LRIT1: variants seen among roughly 807,000 people sequenced by gnomAD.
The protein encoded by LRIT1 is leucine rich repeat, Ig-like and transmembrane domains 1, also known as leucine-rich repeat, immunoglobulin-like domain and transmembrane domain-containing protein 1.
A neutral mutation model predicts 24.0 loss-of-function variants in LRIT1; 23 were observed. That is an observed-to-expected ratio of 0.96 (90% CI 0.69 to 1.36). LRIT1 has a LOEUF of 1.36. LRIT1 is among the 40% of genes most tolerant of loss of function. LRIT1 has a pLI of 0.00. For synonymous variants in LRIT1, 361 were observed against 340.5 expected (o/e 1.06, Z -0.66); for missense variants, 846 against 806.3 (o/e 1.05, Z -0.60).
rs72841103 is a variant in LRIT1 at position 84,238,870 on chromosome 10, T to C, written c.123-1184A>G. ...TAGAGAGATAATAGGAGGCAGTCCC[T>C]GCCCTCAAGAAGCCTACATTTCAGG... On this transcript the variant is annotated intron_variant, in intron 1 of 3. Transcript: ENST00000372105. Among the ~76,000 whole-genome samples, 947 of 152,370 alleles carry C rather than the reference T, an allele frequency of 6.2e-3. 3 individuals carry two copies. The highest frequency in any genetic ancestry group is 0.01 in the Non-Finnish European group (688 of 68,032).
chr10:84,232,353 T>G lies in LRIT1; in HGVS notation c.1446A>C (p.Arg482Ser). ...TGGGCAACAGCCCAGTGATGGTCAC[T>G]CTGGTCTTCCCAGGCTGCACAATCA... ...RRVIVQPGKTRVTITGLLPKT... is the reference protein window; with the variant it reads ...RRVIVQPGKTSVTITGLLPKT... Residue 482 changes from arginine to serine, a missense_variant, in exon 4 of 4, where the codon AGA (arginine) becomes AGC (serine). By Grantham distance (110) the Arg-to-Ser change is moderately radical (BLOSUM62 -1). Transcript: ENST00000372105. 1.9e-6 allele frequency: 3 copies of G among 1,613,930 alleles called. No individual in the cohort carries two copies. In the South Asian group the frequency reaches 3.3e-5, roughly 18 times the overall value.
chr10:84,233,981 C>T, intron 3 of LRIT1, 92 bp downstream of exon 3: 1 of 1,269,800 alleles, frequency 7.9e-7, no homozygotes, highest in Non-Finnish European at 1.0e-6. Context: ...GCTTAGACAA[C>T]TTCCCTCTGG....
rs574282367 is a variant in LRIT1 at position 84,241,498 on chromosome 10, C to T, written c.-59G>A. The T allele has an allele frequency of 9.7e-5, 99 of 1,017,676 alleles. No individual in the cohort carries two copies. In the East Asian group the frequency reaches 1.0e-3, roughly 10 times the overall value. 63.0% of individuals were successfully genotyped at this position (1,017,676 alleles called of 1,614,324 possible). On this transcript the variant is annotated 5_prime_UTR_variant, in exon 1 of 4. Coordinates refer to ENST00000372105, the MANE Select transcript of LRIT1 (RefSeq NM_015613.3). ...CTGTCCCTGGACCGCTCCGTCCCAC[C>T]GGCCCAGCAAGCTCAGCAGCTGCCC...
Position 84,232,250 on chromosome 10 carries a change from C to T in LRIT1, c.1549G>A (p.Glu517Lys). 2 of 1,614,136 alleles carry T rather than the reference C, an allele frequency of 1.2e-6. No homozygotes were observed. The highest frequency in any genetic ancestry group is 8.5e-7 in the Non-Finnish European group (1 of 1,179,970). ...TGAGTGTTCTCAGCATCCACCACTT[C>T]ATTGGTGGAGAAAATAACACACTGC... Reference protein sequence around the residue: ...KEQCVIFSTNEVVDAENTQQL... With the variant: ...KEQCVIFSTNKVVDAENTQQL... The change falls in exon 4 of 4, where the codon GAA becomes AAA. Residue 517 changes from glutamate (E) to lysine (K), a missense_variant. Physicochemically the swap from Glu to Lys is moderately conservative, Grantham distance 56. Coordinates refer to ENST00000372105, the MANE Select transcript of LRIT1 (RefSeq NM_015613.3).
In LRIT1 at chr10:84,241,485, C is replaced by A. The variant is rs201128603; in HGVS notation, c.-46G>T. ...CCCAGGCAGGGGCCTGTCCCTGGAC[C>A]GCTCCGTCCCACCGGCCCAGCAAGC... On this transcript the variant is annotated 5_prime_UTR_variant, in exon 1 of 4. Transcript: ENST00000372105. 7.0e-7 allele frequency: 1 copy of A among 1,437,618 alleles called. No individual in the cohort carries two copies. The highest frequency in any genetic ancestry group is 9.1e-7 in the Non-Finnish European group (1 of 1,101,814). The allele number at this position is 1,437,618 out of a possible 1,614,324, so 89.1% of individuals were successfully genotyped here. A position where few individuals can be genotyped will look rare whatever the true frequency, so the allele number is the denominator to read the frequency against.
Position 84,237,370 on chromosome 10 carries a change from G to T in LRIT1, c.439C>A (p.Pro147Thr). The T allele has an allele frequency of 6.5e-7, 1 of 1,549,660 alleles. No homozygotes were observed. The highest frequency in any genetic ancestry group is 2.4e-5 in the East Asian group (1 of 40,894). The change falls in exon 2 of 4, where the codon CCC becomes ACC. Residue 147 changes from proline to threonine, a missense_variant. Transcript: ENST00000372105. ...TCCAGGAAGCGCGCGGCCTCAGCGG[G>T]CACAGCCGAGAGGCGGTTGGCCTGC... ...DLQANRLSAV[P>T]AEAARFLENL...
At position 84,232,632 on chromosome 10, in the gene LRIT1, G is replaced by C; in HGVS notation, c.1167C>G (p.Pro389=). The change falls in exon 4 of 4, where the codon CCC becomes CCG. Residue 389 remains proline (P), a synonymous_variant. Coordinates refer to ENST00000372105, the MANE Select transcript of LRIT1 (RefSeq NM_015613.3). Reference sequence around the variant, plus strand: ...CAGAGGGTCCAGTGGCCAGGACAGCGGGTTTGGGAATCTGGGGGACATGCC... The same window carrying C: ...CAGAGGGTCCAGTGGCCAGGACAGCCGGTTTGGGAATCTGGGGGACATGCC... The part of the protein sequence containing the change: ...VARHVPQIPK[P]AVLATGPSVP... The C allele has an allele frequency of 6.2e-7, 1 of 1,613,714 alleles. No individual in the cohort carries two copies. Among genetic ancestry groups the C allele is most frequent in the Non-Finnish European group, 8.5e-7 (1 of 1,179,644 alleles).
At position 84,232,093 on chromosome 10, in the gene LRIT1, A is replaced by T. The variant is rs1220151074; in HGVS notation, c.1706T>A (p.Val569Asp). ...CFNKDSTEAT[V>D]TYVNLERLGY... ...CAGTCTCTCTAGGTTGACGTAGGTA[A>T]CTGTGGCCTCAGTGGAGTCCTTGTT... The change falls in exon 4 of 4, where the codon GTT (valine) becomes GAT (aspartate). Residue 569 changes from valine (V) to aspartate (D), a missense_variant. By Grantham distance (152) the Val-to-Asp change is radical. Transcript: ENST00000372105. The T allele has an allele frequency of 6.2e-7, 1 of 1,614,146 alleles. No individual in the cohort carries two copies. Among genetic ancestry groups the T allele is most frequent in the Admixed American group, 1.7e-5 (1 of 60,020 alleles).
Position 84,232,749 on chromosome 10 carries a change from A to C in LRIT1, c.1050T>G (p.Thr350=), listed in dbSNP as rs767557087. Residue 350 remains threonine (T), a synonymous_variant, in exon 4 of 4, where the codon ACT becomes ACG. Transcript: ENST00000372105. ...CTGGGCTCCCACTGTGTTCTGTGGA[A>C]GTCGGTGGCTCAGTGACAATCAAGG... ...VISLIVTEPP[T]STEHSGSPGA... 1.7e-5 allele frequency: 28 copies of C among 1,613,962 alleles called. No individual in the cohort carries two copies. The highest frequency in any genetic ancestry group is 2.3e-5 in the Non-Finnish European group (27 of 1,180,026).
At chr10:84,232,961 C>G in intron 3 of LRIT1, 58 bp from the exon 4 acceptor site, 2 of 1,551,848 alleles carry the variant, frequency 1.3e-6, no homozygotes, top group Non-Finnish European at 1.7e-6. Flanking sequence ...CCCAAGCTGC[C>G]TTTCAGGGCC....
chr10:84,240,923 T>G (rs993236868), intron 1 of LRIT1, among the ~76,000 whole-genome samples: 2 of 151,674 alleles, frequency 1.3e-5, no homozygotes, highest in South Asian at 4.2e-4. Context: ...GCAAGTGGCC[T>G]GGGAAAGAAG....
rs545700028 is a variant in LRIT1, at chr10:84,236,362, G to A, written c.589+858C>T. 2.6e-5 allele frequency among the ~76,000 whole-genome samples: 4 copies of A among 151,784 alleles called. No homozygotes were observed. In the East Asian group the frequency reaches 7.7e-4, roughly 29 times the overall value. ...TGCATCATAGGTGTTACCAAATAAT[G>A]GAAACAATGTAAAAGTCCATTAAAG... On this transcript the variant is annotated intron_variant, in intron 2 of 3. Transcript: ENST00000372105.
intron 3 of LRIT1, 65 bp downstream of exon 3, chr10:84,234,007 AT>A: frequency 7.3e-7 from 1 of 1,370,616 alleles, no homozygotes; most frequent in Non-Finnish European, 9.5e-7. Flanking sequence ...CCAAATCCCC[AT>A]TTGGGGAGCT....
In LRIT1 at chr10:84,237,406, G is replaced by T. The variant is rs200640196; in HGVS notation, c.403C>A (p.Leu135Met). ...AALRDAPKLR[L>M]LDLQANRLSA... ...AGGCGGTTGGCCTGCAGGTCCAGCA[G>T]CCGCAGCTTGGGGGCGTCCCTGAGC... The change falls in exon 2 of 4, where the codon CTG becomes ATG. Residue 135 changes from leucine (L) to methionine (M), a missense_variant. Leu to Met is a conservative substitution (Grantham distance 15). Coordinates refer to ENST00000372105, the MANE Select transcript of LRIT1 (RefSeq NM_015613.3). 3.9e-6 allele frequency: 6 copies of T among 1,547,230 alleles called. No individual in the cohort carries two copies. In the East Asian group the frequency reaches 1.5e-4, roughly 38 times the overall value.
intron 1 of LRIT1, among the ~76,000 whole-genome samples, chr10:84,238,261 G>A (rs1301658313): frequency 1.3e-5 from 2 of 151,722 alleles, no homozygotes; most frequent in African/African-American, 2.4e-5. Flanking sequence ...AGGCTGAGGC[G>A]GGACAATCGC....
In LRIT1 at chr10:84,231,939, C is replaced by G; in HGVS notation, c.1860G>C (p.Glu620Asp). Residue 620 changes from glutamate (E) to aspartate (D), a missense_variant, in exon 4 of 4, where the codon GAG becomes GAC. Transcript: ENST00000372105. ...GGAGGCATATCCCTCAGCAGAAGTA[C>G]TCATTGATTCTCCTGCCCCCTTTGA... Reference protein sequence around the residue: ...FGVKGGRRINEYFC With the variant: ...FGVKGGRRINDYFC 1 of 1,605,648 alleles carries G rather than the reference C, an allele frequency of 6.2e-7. No homozygotes were observed. The highest frequency in any genetic ancestry group is 8.5e-7 in the Non-Finnish European group (1 of 1,174,236).
chr10:84,239,851 GC>G (rs1458007276), intron 1 of LRIT1, among the ~76,000 whole-genome samples: 1 of 152,206 alleles, frequency 6.6e-6, no homozygotes, highest in Non-Finnish European at 1.5e-5. Flanking sequence ...CACAGTCTGT[GC>G]CCATAGCCAC....
In LRIT1 at chr10:84,232,468, A is replaced by G; in HGVS notation, c.1331T>C (p.Val444Ala). 6.2e-7 allele frequency: 1 copy of G among 1,614,130 alleles called. No individual in the cohort carries two copies. The highest frequency in any genetic ancestry group is 8.5e-7 in the Non-Finnish European group (1 of 1,180,026). ...CTGGGGTGCCTTCCACACCAAGGAC[A>G]CGCTGTGGTAAGTGTCCCCCACCAC... ...VKVVGDTYHS[V>A]SLVWKAPQAK... The change falls in exon 4 of 4, where the codon GTG (valine) becomes GCG (alanine). Residue 444 changes from valine (V) to alanine (A), a missense_variant. Transcript: ENST00000372105.
intron 2 of LRIT1, among the ~76,000 whole-genome samples, chr10:84,235,876 G>C (rs1460726065): frequency 1.3e-5 from 2 of 151,740 alleles, no homozygotes; most frequent in Non-Finnish European, 2.9e-5. Context: ...CTCCCAAAGT[G>C]CTGGGGTTAC....
Sources: allele counts gnomAD v4.1 joint callset (sites outside exome capture counted in the v4.1 genomes callset), GRCh38; gene constraint gnomAD v4.1.1; transcripts MANE v1.5; gene names NCBI Gene and HGNC (gene_info 2026-07-23, HGNC 2026-07-21).